The following CNOT7 variants were observed in gnomAD, a reference collection of about 807,000 sequenced individuals.
The protein encoded by CNOT7 is CCR4-NOT transcription complex subunit 7, also known as BTG1-binding factor 1.
CNOT7 carries 4 observed loss-of-function variants against 37.1 expected under a neutral mutation model. The observed-to-expected ratio is 0.11, with a 90% CI of 0.05 to 0.25. The LOEUF (loss-of-function observed/expected upper bound fraction) is 0.25. Among genes scored for constraint, CNOT7 ranks in the 10% least tolerant of loss-of-function variants. CNOT7 has a pLI of 1.00. For synonymous variants in CNOT7, 128 were observed against 115.6 expected (o/e 1.11, Z -0.69); for missense variants, 170 against 336.2 (o/e 0.51, Z 3.87).
At chr8:17,231,082 T>A (rs539468079) in intron 6 of CNOT7, among the ~76,000 whole-genome samples, 1 of 152,260 alleles carries the variant, frequency 6.6e-6, no homozygotes, top group East Asian at 1.9e-4. Context: ...TAAATGCATG[T>A]CTTTTCCATT....
intron 3 of CNOT7, among the ~76,000 whole-genome samples, chr8:17,239,009 AAT>A (rs1809776018): frequency 6.6e-6 from 1 of 152,132 alleles, no homozygotes; most frequent in South Asian, 2.1e-4. Flanking sequence ...TGAACACACA[AAT>A]ATGTCTGTGT....
At chr8:17,237,497 T>C in intron 3 of CNOT7, 124 bp from the exon 4 acceptor site, 1 of 759,754 alleles carries the variant, frequency 1.3e-6, no homozygotes. Context: ...GTCCACCTGT[T>C]TCAATGCTTT....
At chr8:17,241,977 A>G (rs1810228282) in intron 3 of CNOT7, 1 of 152,366 alleles carries the variant, frequency 6.6e-6, no homozygotes. Flanking sequence ...CTATTCTGGC[A>G]GCTCAGGGCA....
chr8:17,243,868 T>G (rs1810524504), intron 2 of CNOT7, among the ~76,000 whole-genome samples: 1 of 152,226 alleles, frequency 6.6e-6, no homozygotes, highest in African/African-American at 2.4e-5. Context: ...GTATGTCATC[T>G]ACAAAGAAAC....
rs771801135 is a variant in CNOT7 at position 17,237,139 on chromosome 8, A to T, written c.473+73T>A. ...CAGAATTAAACCTGAAATTGCTAACATAGTGACCCAAGTAAGTGTGGAGCA... is the reference window on the plus strand; with the variant it reads ...CAGAATTAAACCTGAAATTGCTAACTTAGTGACCCAAGTAAGTGTGGAGCA... On this transcript the variant is annotated intron_variant, in intron 4 of 6. Transcript: ENST00000361272. The T allele has an allele frequency of 5.9e-4, 852 of 1,452,390 alleles. 1 individual carries two copies. Among genetic ancestry groups the T allele is most frequent in the Non-Finnish European group, 7.7e-4 (810 of 1,049,042 alleles). The allele number at this position is 1,452,390 out of a possible 1,614,324, so 90.0% of individuals were successfully genotyped here. A position where few individuals can be genotyped will look rare whatever the true frequency, so the allele number is the denominator to read the frequency against.
rs1808078408 is a variant in CNOT7, at chr8:17,225,201, CTGAAG to C, written c.*5514_*5518del. 6.6e-6 allele frequency: 1 copy of C among 151,678 alleles called. No individual in the cohort carries two copies. Among genetic ancestry groups the C allele is most frequent in the African/African-American group, 2.4e-5 (1 of 41,394 alleles). The allele number at this position is 151,678 out of a possible 1,614,324, so 9.4% of individuals were successfully genotyped here. ...ACAATTTGGAAGCCATGATGATAGT[CTGAAG>C]CTAAAGGAACTCCAATTTCTTGGTA... On this transcript the variant is annotated 3_prime_UTR_variant, in exon 7 of 7. Transcript: ENST00000361272.
intron 5 of CNOT7, among the ~76,000 whole-genome samples, chr8:17,233,023 A>G (rs1325877683): frequency 6.6e-6 from 1 of 152,214 alleles, no homozygotes; most frequent in East Asian, 1.9e-4. Flanking sequence ...ATGCTTCACT[A>G]TGGTTTTCTT....
chr8:17,239,864 T>C (rs1007194514), intron 3 of CNOT7, among the ~76,000 whole-genome samples: 1 of 152,228 alleles, frequency 6.6e-6, no homozygotes, highest in African/African-American at 2.4e-5. Flanking sequence ...AGAATGCTTC[T>C]CTTCTTCACA....
At position 17,234,582 on chromosome 8, in the gene CNOT7, T is replaced by C. The variant is rs990173435; in HGVS notation, c.618+134A>G. 1.1e-5 allele frequency: 10 copies of C among 930,504 alleles called. No individual in the cohort carries two copies. In the South Asian group the frequency reaches 1.5e-4, roughly 14 times the overall value. 57.6% of individuals were successfully genotyped at this position (930,504 alleles called of 1,614,324 possible). ...TATGTATGCAAGAAAAAAAATCACA[T>C]GACCAGATAATATAATTGCATTCAC... On this transcript the variant is annotated intron_variant, in intron 5 of 6. Coordinates refer to ENST00000361272, the MANE Select transcript of CNOT7 (RefSeq NM_013354.7).
chr8:17,227,610 C>T lies in CNOT7; in HGVS notation c.*3110G>A, dbSNP rs1029012814. On this transcript the variant is annotated 3_prime_UTR_variant, in exon 7 of 7. Transcript: ENST00000361272. ...TTTGGTTGCAGCCTCATTTTTATTA[C>T]TTTTGTGAAATTTTGCTGTGATGTT... is the stretch of plus-strand genomic sequence containing the variant. 1 of 151,862 alleles carries T rather than the reference C, an allele frequency of 6.6e-6. No individual in the cohort carries two copies. Among genetic ancestry groups the T allele is most frequent in the Non-Finnish European group, 1.5e-5 (1 of 67,800 alleles). The allele number at this position is 151,862 out of a possible 1,614,324, so 9.4% of individuals were successfully genotyped here.
Position 17,230,630 on chromosome 8 carries a change from C to A in CNOT7, c.*90G>T. 1 of 1,104,278 alleles carries A rather than the reference C, an allele frequency of 9.1e-7. No homozygotes were observed. Among genetic ancestry groups the A allele is most frequent in the Non-Finnish European group, 1.2e-6 (1 of 803,684 alleles). 68.4% of individuals were successfully genotyped at this position (1,104,278 alleles called of 1,614,324 possible). On this transcript the variant is annotated 3_prime_UTR_variant, in exon 7 of 7. Coordinates refer to ENST00000361272, the MANE Select transcript of CNOT7 (RefSeq NM_013354.7). ...GGCCATGAAAGGGGGGGGAAAGGTA[C>A]TGTCTATTGTTCGAGGGATTCAACC...
Position 17,237,270 on chromosome 8 carries a change from G to C in CNOT7, c.415C>G (p.Leu139Val). The C allele has an allele frequency of 6.2e-7, 1 of 1,614,080 alleles. No homozygotes were observed. Among genetic ancestry groups the C allele is most frequent in the Non-Finnish European group, 8.5e-7 (1 of 1,179,956 alleles). Residue 139 changes from leucine (L) to valine (V), a missense_variant, in exon 4 of 7, where the codon CTT (leucine) becomes GTT (valine). Physicochemically the swap from Leu to Val is conservative, Grantham distance 32. Around this residue, in one of 6 missense-constraint regions of CNOT7, gnomAD observed 68 missense variants for 151.1 expected, o/e 0.45. Coordinates refer to ENST00000361272, the MANE Select transcript of CNOT7 (RefSeq NM_013354.7). ...EGIETQYFAE[L>V]LMTSGVVLCE... ...AGGACCACTCCAGAAGTCATAAGAA[G>C]TTCTGCAAAGTACTGGGTTTCAATT... is the stretch of plus-strand genomic sequence containing the variant.
intron 3 of CNOT7, among the ~76,000 whole-genome samples, chr8:17,240,802 TGTA>T: frequency 6.6e-6 from 1 of 152,316 alleles, no homozygotes; most frequent in Middle Eastern, 3.4e-3. Flanking sequence ...GTTTCACAGA[TGTA>T]GTTCTTATAA....
rs901069381 is a variant in CNOT7 at position 17,229,020 on chromosome 8, C to G, written c.*1700G>C. 3 of 151,864 alleles carry G rather than the reference C, an allele frequency of 2.0e-5. No individual in the cohort carries two copies. Among genetic ancestry groups the G allele is most frequent in the Non-Finnish European group, 4.4e-5 (3 of 67,820 alleles). The allele number at this position is 151,864 out of a possible 1,614,324, so 9.4% of individuals were successfully genotyped here. A position where few individuals can be genotyped will look rare whatever the true frequency, so the allele number is the denominator to read the frequency against. ...CTGGAAAGGAGAAACAGAAGTCAGT[C>G]CTTAATTAGCTAGTTGAGGTACTCA... On this transcript the variant is annotated 3_prime_UTR_variant, in exon 7 of 7. Coordinates refer to ENST00000361272, the MANE Select transcript of CNOT7 (RefSeq NM_013354.7).
rs371025982 is a variant in CNOT7, at chr8:17,238,509, C to T, written c.312-1136G>A. Among the ~76,000 whole-genome samples the T allele has an allele frequency of 5.0e-3, 690 of 139,382 alleles. 6 individuals carry two copies. The highest frequency in any genetic ancestry group is 0.016 in the African/African-American group (614 of 38,438). 91.4% of individuals were successfully genotyped at this position (139,382 alleles called of 152,430 possible). On this transcript the variant is annotated intron_variant, in intron 3 of 6. Coordinates refer to ENST00000361272, the MANE Select transcript of CNOT7 (RefSeq NM_013354.7). ...CAGAATAAACCCAATGAAGTAGTTT[C>T]TTTTTTTTTTTTTTTTTCCAGTGAA...
intron 6 of CNOT7, among the ~76,000 whole-genome samples, chr8:17,231,252 T>C (rs1009845243): frequency 6.6e-6 from 1 of 152,072 alleles, no homozygotes; most frequent in African/African-American, 2.4e-5. Context: ...CTATAAATGA[T>C]CAAACCATAA....
intron 3 of CNOT7, among the ~76,000 whole-genome samples, chr8:17,240,455 T>C (rs1418876924): frequency 6.6e-6 from 1 of 152,170 alleles, no homozygotes; most frequent in African/African-American, 2.4e-5. Context: ...ACCAAAAGAT[T>C]AGACACCCCT....
rs1472653149 is a variant in CNOT7, at chr8:17,230,696, T to C, written c.*24A>G. ...ATACAAGCATGTGTGTAGCTCGAAA[T>C]AAAAATAAAAGGACTATTTCATGTC... is the stretch of plus-strand genomic sequence containing the variant. On this transcript the variant is annotated 3_prime_UTR_variant, in exon 7 of 7. Transcript: ENST00000361272. The C allele has an allele frequency of 6.3e-7, 1 of 1,587,920 alleles. No individual in the cohort carries two copies. The highest frequency in any genetic ancestry group is 8.5e-7 in the Non-Finnish European group (1 of 1,169,970).
In CNOT7 at chr8:17,229,107, T is replaced by C. The variant is rs1428178716; in HGVS notation, c.*1613A>G. ...AAACTCAGACTGATTTTTCAATTAA[T>C]GGACTAATAATCATCTAGGGTTAAT... is the stretch of plus-strand genomic sequence containing the variant. On this transcript the variant is annotated 3_prime_UTR_variant, in exon 7 of 7. Coordinates refer to ENST00000361272, the MANE Select transcript of CNOT7 (RefSeq NM_013354.7). 3 of 151,958 alleles carry C rather than the reference T, an allele frequency of 2.0e-5. No individual in the cohort carries two copies. The highest frequency in any genetic ancestry group is 2.9e-5 in the Non-Finnish European group (2 of 67,842). 9.4% of individuals were successfully genotyped at this position (151,958 alleles called of 1,614,324 possible). A position where few individuals can be genotyped will look rare whatever the true frequency, so the allele number is the denominator to read the frequency against.
Sources: gnomAD v4.1 joint callset for allele counts (sites outside exome capture counted in the v4.1 genomes callset) on GRCh38, gnomAD v4.1.1 for gene constraint, gnomAD v4.1.1 regional missense constraint, MANE v1.5 for transcripts, NCBI Gene and HGNC (gene_info 2026-07-23, HGNC 2026-07-21) for gene names.